ABCA13: variants seen among roughly 807,000 people sequenced by gnomAD.
The protein encoded by ABCA13 is ATP binding cassette subfamily A member 13.
ABCA13 carries 476 observed loss-of-function variants against 478.7 expected under a neutral mutation model. That is an observed-to-expected ratio of 0.99 (90% CI 0.92 to 1.07). The LOEUF (loss-of-function observed/expected upper bound fraction) is 1.07, where lower values mean the gene tolerates loss of function less well. Ranked by LOEUF, ABCA13 falls within the 50% of genes least tolerant of loss-of-function variation. The pLI, the probability that ABCA13 is intolerant of heterozygous loss-of-function variation, is 0.00. For missense variants in ABCA13, 6,060 were observed against 5,910.6 expected (o/e 1.03, Z -0.83); for synonymous variants, 2,252 against 2,158.9 (o/e 1.04, Z -1.20).
chr7:48,202,358 A>C (rs13228130), intron 3 of ABCA13, among the ~76,000 whole-genome samples: 30,855 of 152,056 alleles, frequency 0.2, 3,380 homozygotes, highest in Middle Eastern at 0.24. Context: ...CAGAGTATTG[A>C]CACAAAAGTT....
intron 1 of ABCA13, among the ~76,000 whole-genome samples, chr7:48,181,180 A>G (rs1243297344): frequency 1.3e-5 from 2 of 152,126 alleles, no homozygotes; most frequent in East Asian, 3.8e-4. Context: ...TACACGTATT[A>G]GGGCTTATTT....
At chr7:48,492,345 C>T (rs529442654) in intron 48 of ABCA13, among the ~76,000 whole-genome samples, 2 of 152,230 alleles carry the variant, frequency 1.3e-5, no homozygotes, top group African/African-American at 2.4e-5. Context: ...CCATCTCAGA[C>T]ATCACCTCTG....
At chr7:48,294,435 T>TTG (rs1562987023) in intron 20 of ABCA13, among the ~76,000 whole-genome samples, 13 of 94,326 alleles carry the variant, frequency 1.4e-4, no homozygotes, top group African/African-American at 4.0e-4. Context: ...GTTTTTTTTT[T>TTG]TTTTTTGTTT....
intron 59 of ABCA13, among the ~76,000 whole-genome samples, chr7:48,620,845 A>C (rs1318023): frequency 0.41 from 62,145 of 151,922 alleles, 13,472 homozygotes; most frequent in African/African-American, 0.53. Context: ...GCATTGTCTT[A>C]CCAGAGGCAA....
At chr7:48,569,182 A>G (rs1159182770) in intron 55 of ABCA13, among the ~76,000 whole-genome samples, 1 of 151,904 alleles carries the variant, frequency 6.6e-6, no homozygotes, top group Non-Finnish European at 1.5e-5. Context: ...TAGTTTTTCT[A>G]ATTTCTTAAT....
chr7:48,251,227 C>T (rs1315364722), intron 15 of ABCA13, among the ~76,000 whole-genome samples: 8 of 152,206 alleles, frequency 5.3e-5, no homozygotes, highest in Admixed American at 5.2e-4. Context: ...TACCTGTCCT[C>T]ATTATCACTT....
intron 57 of ABCA13, among the ~76,000 whole-genome samples, chr7:48,591,143 G>A (rs1373823119): frequency 6.6e-6 from 1 of 151,112 alleles, no homozygotes; most frequent in East Asian, 1.9e-4. Flanking sequence ...ATGTTCAGTT[G>A]ATTTTTGTGT....
intron 3 of ABCA13, among the ~76,000 whole-genome samples, chr7:48,204,519 T>C (rs543650458): frequency 1.1e-4 from 16 of 152,226 alleles, no homozygotes. Context: ...CCTATCCTTG[T>C]TTCTTAAATG....
chr7:48,498,683 C>T (rs181734425), intron 48 of ABCA13, among the ~76,000 whole-genome samples: 3 of 152,208 alleles, frequency 2.0e-5, no homozygotes, highest in African/African-American at 4.8e-5. Flanking sequence ...GAAGATGTTT[C>T]CATAAAGTAC....
At chr7:48,193,321 T>C (rs560240987) in intron 2 of ABCA13, among the ~76,000 whole-genome samples, 1 of 152,148 alleles carries the variant, frequency 6.6e-6, no homozygotes, top group African/African-American at 2.4e-5. Context: ...CATAAGTAAA[T>C]AGCCATTATA....
intron 42 of ABCA13, among the ~76,000 whole-genome samples, chr7:48,440,752 A>G (rs949595116): frequency 6.6e-6 from 1 of 151,892 alleles, no homozygotes; most frequent in Admixed American, 6.5e-5. Context: ...TATTATGCTT[A>G]TACATCTGTT....
intron 48 of ABCA13, among the ~76,000 whole-genome samples, chr7:48,505,606 C>A (rs1010796488): frequency 2.0e-5 from 3 of 152,180 alleles, no homozygotes; most frequent in East Asian, 1.9e-4. Context: ...CAATCACTGA[C>A]ACAACCAATT....
In ABCA13 at chr7:48,276,039, G is replaced by C. The variant is rs1219197721; in HGVS notation, c.6373G>C (p.Val2125Leu). 1.2e-6 allele frequency: 2 copies of C among 1,608,622 alleles called. No individual in the cohort carries two copies. Among genetic ancestry groups the C allele is most frequent in the Non-Finnish European group, 1.7e-6 (2 of 1,177,208 alleles). Residue 2125 changes from valine (V) to leucine (L), a missense_variant, in exon 17 of 62, where the codon GTC (valine) becomes CTC (leucine). Coordinates refer to ENST00000435803, the MANE Select transcript of ABCA13 (RefSeq NM_152701.5). Reference protein sequence around the residue: ...TLEIIEDFLLVTKNWLQEYAN... With the variant: ...TLEIIEDFLLLTKNWLQEYAN... ...AGAAATTATTGAAGATTTTCTATTG[G>C]TCACAAAAAACTGGCTTCAGGAATA...
In ABCA13 at chr7:48,489,349, T is replaced by C. The variant is rs1829637442; in HGVS notation, c.13291+5T>C. On this transcript the variant is annotated splice_donor_5th_base_variant and intron_variant, in intron 48 of 61. Transcript: ENST00000435803. ...CTGTGGACTGGAGACAATACGGTAA[T>C]GTTATTTTTCATGCATTGTAATTCA... 6.3e-7 allele frequency: 1 copy of C among 1,578,194 alleles called. No homozygotes were observed. The highest frequency in any genetic ancestry group is 8.7e-7 in the Non-Finnish European group (1 of 1,154,734).
chr7:48,322,217 G>T (rs17132228), intron 27 of ABCA13, among the ~76,000 whole-genome samples: 1,746 of 152,268 alleles, frequency 0.011, 32 homozygotes, highest in African/African-American at 0.039. Flanking sequence ...GCAGCCCTAC[G>T]TTGGGAACCT....
In ABCA13 at chr7:48,451,208, C is replaced by T. The variant is rs1824988706; in HGVS notation, c.12566-3829C>T. ...ACACAGGGTTTCACCATGTTGGACA[C>T]GCTGGTCTTGAACTCCTGACCTCAG... is the stretch of plus-strand genomic sequence containing the variant. On this transcript the variant is annotated intron_variant, in intron 42 of 61. Coordinates refer to ENST00000435803, the MANE Select transcript of ABCA13 (RefSeq NM_152701.5). Among the ~76,000 whole-genome samples the T allele has an allele frequency of 2.6e-5, 4 of 152,004 alleles. 1 individual carries two copies. The South Asian group carries it at 6.2e-4, about 24-fold the overall frequency.
At chr7:48,287,674 G>T (rs1227688685) in intron 19 of ABCA13, among the ~76,000 whole-genome samples, 1 of 152,126 alleles carries the variant, frequency 6.6e-6, no homozygotes, top group East Asian at 1.9e-4. Flanking sequence ...GGGGTGAATG[G>T]GTACCCCACT....
At position 48,391,940 on chromosome 7, in the gene ABCA13, C is replaced by T; in HGVS notation, c.11674C>T (p.His3892Tyr). Residue 3892 changes from histidine (H) to tyrosine (Y), a missense_variant, in exon 38 of 62, where the codon CAC becomes TAC. Physicochemically the swap from His to Tyr is moderately conservative, Grantham distance 83. Transcript: ENST00000435803. ...TGGCAGATCCATGTTGACGGGGCTC[C>T]ACCCTCCCACTTCTGGAACCATCAT... Reference protein sequence around the residue: ...TTIISMLTGLHPPTSGTIIIN... With the variant: ...TTIISMLTGLYPPTSGTIIIN... 1 of 1,613,914 alleles carries T rather than the reference C, an allele frequency of 6.2e-7. No homozygotes were observed. The highest frequency in any genetic ancestry group is 8.5e-7 in the Non-Finnish European group (1 of 1,179,868).
chr7:48,278,577 T>A lies in ABCA13; in HGVS notation c.7383T>A (p.Asn2461Lys). ...TAACGGATTTGCTTTTCTTTATAAATAATTCATTCCCTCTAAGAAACAGAG... is the reference window on the plus strand; with the variant it reads ...TAACGGATTTGCTTTTCTTTATAAAAAATTCATTCCCTCTAAGAAACAGAG... ...ANLTDLLFFI[N>K]NSFPLRNRAT... Residue 2461 changes from asparagine to lysine, a missense_variant, in exon 18 of 62, where the codon AAT becomes AAA. Asn to Lys is a moderately conservative substitution (Grantham distance 94). This residue lies in a region of ABCA13 where 4,423 missense variants were observed against 4,309.1 expected (regional missense o/e 1.03). Coordinates refer to ENST00000435803, the MANE Select transcript of ABCA13 (RefSeq NM_152701.5). The A allele has an allele frequency of 6.2e-7, 1 of 1,613,918 alleles. No homozygotes were observed. The highest frequency in any genetic ancestry group is 1.3e-5 in the African/African-American group (1 of 75,048).
Sources: gnomAD v4.1 joint callset for allele counts (sites outside exome capture counted in the v4.1 genomes callset) on GRCh38, gnomAD v4.1.1 for gene constraint, gnomAD v4.1.1 regional missense constraint, MANE v1.5 for transcripts, NCBI Gene and HGNC (gene_info 2026-07-23, HGNC 2026-07-21) for gene names.